LPP: variants seen among roughly 807,000 people sequenced by gnomAD.
LPP encodes the protein lipoma-preferred partner.
Under a neutral mutation model 60.4 loss-of-function variants are expected in LPP, and 38 were observed. The ratio of observed to expected loss-of-function variants is 0.63; its 90% CI spans 0.49 to 0.83. The LOEUF is 0.83. LPP is among the 40% of genes least tolerant of loss of function. The pLI, the probability that LPP is intolerant of heterozygous loss-of-function variation, is 0.00. For synonymous variants in LPP, 328 were observed against 290.8 expected (o/e 1.13, Z -1.30); for missense variants, 902 against 783.6 (o/e 1.15, Z -1.80).
intron 7 of LPP, among the ~76,000 whole-genome samples, chr3:188,616,912 G>T (rs1844953932): frequency 6.6e-6 from 1 of 152,104 alleles, no homozygotes; most frequent in Non-Finnish European, 1.5e-5. Flanking sequence ...AATAGCAATA[G>T]ATTTTTATAT....
chr3:188,216,346 C>G (rs1713613566), intron 1 of LPP, among the ~76,000 whole-genome samples: 1 of 149,918 alleles, frequency 6.7e-6, no homozygotes, highest in Admixed American at 6.7e-5. Context: ...TCTTGGCTCA[C>G]TGCAACCTCT....
At chr3:188,164,216 A>C (rs1181135306) in intron 1 of LPP, among the ~76,000 whole-genome samples, 1 of 152,194 alleles carries the variant, frequency 6.6e-6, no homozygotes, top group East Asian at 1.9e-4. Flanking sequence ...AGGATTCAGC[A>C]GGCAGCTGAA....
intron 4 of LPP, among the ~76,000 whole-genome samples, chr3:188,459,124 A>G (rs1011110843): frequency 6.6e-6 from 1 of 152,168 alleles, no homozygotes; most frequent in African/African-American, 2.4e-5. Flanking sequence ...GTTTTAATTT[A>G]AAAAATACTG....
intron 4 of LPP, among the ~76,000 whole-genome samples, chr3:188,408,640 C>G (rs1188069331): frequency 1.3e-5 from 2 of 152,158 alleles, no homozygotes; most frequent in Non-Finnish European, 2.9e-5. Context: ...AAATTTCTAC[C>G]ACTTTTGTTA....
intron 5 of LPP, among the ~76,000 whole-genome samples, chr3:188,507,707 G>A (rs1442372526): frequency 6.6e-6 from 1 of 152,126 alleles, no homozygotes; most frequent in Non-Finnish European, 1.5e-5. Flanking sequence ...GGAAGGGAAT[G>A]GTGATGTTCT....
At chr3:188,785,535 C>CATATATATATATATATATATATAT (rs369062490) in intron 9 of LPP, among the ~76,000 whole-genome samples, 4 of 15,674 alleles carry the variant, frequency 2.6e-4, no homozygotes, top group African/African-American at 8.7e-4. Flanking sequence ...TATATTCCAT[C>CATATATATATATATATATATATAT]ATATATATAT....
intron 5 of LPP, among the ~76,000 whole-genome samples, chr3:188,521,665 A>G (rs993387146): frequency 2.0e-5 from 3 of 152,218 alleles, no homozygotes; most frequent in Non-Finnish European, 2.9e-5. Flanking sequence ...CATCATAATT[A>G]TAGCACTTTA....
chr3:188,579,904 G>C (rs1202649433), intron 6 of LPP, among the ~76,000 whole-genome samples: 2 of 151,866 alleles, frequency 1.3e-5, no homozygotes, highest in African/African-American at 4.8e-5. Context: ...TGAGGTAGGA[G>C]GCTTGCTTGA....
At chr3:188,450,513 G>A (rs1043611420) in intron 4 of LPP, among the ~76,000 whole-genome samples, 29 of 152,140 alleles carry the variant, frequency 1.9e-4, no homozygotes, top group African/African-American at 6.5e-4. Flanking sequence ...GGGAGGCCGA[G>A]GCAGGTGGAT....
In LPP at chr3:188,507,975, C is replaced by T. The variant is rs567740775; in HGVS notation, c.307-16690C>T. ...AATCTAAGGCTATATCATTAGGACACGATAAAGAGCCTTTTATGCTAGTAA... is the reference window on the plus strand; with the variant it reads ...AATCTAAGGCTATATCATTAGGACATGATAAAGAGCCTTTTATGCTAGTAA... On this transcript the variant is annotated intron_variant, in intron 5 of 11. Transcript: ENST00000617246. Among the ~76,000 whole-genome samples the T allele has an allele frequency of 1.3e-4, 20 of 152,222 alleles. No individual in the cohort carries two copies. In the East Asian group the frequency reaches 2.3e-3, roughly 18 times the overall value.
chr3:188,828,886 A>G (rs1255637701), intron 9 of LPP, among the ~76,000 whole-genome samples: 1 of 152,168 alleles, frequency 6.6e-6, no homozygotes, highest in African/African-American at 2.4e-5. Flanking sequence ...TTATGTATGT[A>G]ATATATAGTG....
At chr3:188,252,308 C>T (rs1730123028) in intron 2 of LPP, among the ~76,000 whole-genome samples, 1 of 146,280 alleles carries the variant, frequency 6.8e-6, no homozygotes, top group Non-Finnish European at 1.5e-5. Flanking sequence ...TTTGCACTCC[C>T]TCTCTTCTTT....
chr3:188,645,957 TA>T (rs1372177385), intron 7 of LPP, among the ~76,000 whole-genome samples: 3 of 152,206 alleles, frequency 2.0e-5, no homozygotes. Flanking sequence ...CTTTATATTT[TA>T]AAGCTTTGCC....
chr3:188,750,254 C>A (rs1222668720), intron 8 of LPP, among the ~76,000 whole-genome samples: 1 of 152,112 alleles, frequency 6.6e-6, no homozygotes, highest in Non-Finnish European at 1.5e-5. Flanking sequence ...TGGAGGGAAC[C>A]AATTCAAATC....
At chr3:188,310,526 A>G (rs987048626) in intron 2 of LPP, among the ~76,000 whole-genome samples, 5 of 152,206 alleles carry the variant, frequency 3.3e-5, no homozygotes, top group African/African-American at 1.2e-4. Context: ...GAGTTGCTCA[A>G]TCTTTGCCTA....
At chr3:188,592,563 T>TTTTTTTTTTTTTTTTG in intron 6 of LPP, among the ~76,000 whole-genome samples, 7 of 77,242 alleles carry the variant, frequency 9.1e-5, no homozygotes, top group Non-Finnish European at 1.4e-4. Context: ...TTTTGTTTTT[T>TTTTTTTTTTTTTTTTG]AAATGGAGTC....
chr3:188,326,995 A>G (rs1159389900), intron 2 of LPP, among the ~76,000 whole-genome samples: 1 of 152,216 alleles, frequency 6.6e-6, no homozygotes, highest in African/African-American at 2.4e-5. Context: ...TCTTCTCTTT[A>G]TTCAAGAATG....
rs921975327 is a variant in LPP, at chr3:188,362,343, A to G, written c.-10+20624A>G. On this transcript the variant is annotated intron_variant, in intron 3 of 11. Coordinates refer to ENST00000617246, the MANE Select transcript of LPP (RefSeq NM_001375462.1). ...TGCTAATATCCTGATCCATCTGACT[A>G]TGCTTATTTGACTGCTTTTTGTGTT... 4.6e-5 allele frequency among the ~76,000 whole-genome samples: 7 copies of G among 152,278 alleles called. No homozygotes were observed. In the South Asian group the frequency reaches 8.3e-4, roughly 18 times the overall value.
intron 3 of LPP, among the ~76,000 whole-genome samples, chr3:188,368,309 C>T (rs758099863): frequency 1.3e-5 from 2 of 151,900 alleles, no homozygotes; most frequent in Non-Finnish European, 2.9e-5. Flanking sequence ...ACTTTTTTTG[C>T]ATTCAAAACC....
Sources: allele counts gnomAD v4.1 joint callset (sites outside exome capture counted in the v4.1 genomes callset), GRCh38; gene constraint gnomAD v4.1.1; transcripts MANE v1.5; gene names NCBI Gene and HGNC (gene_info 2026-07-23, HGNC 2026-07-21).